CCAR1: variants seen among roughly 807,000 people sequenced by gnomAD.
CCAR1 encodes cell division cycle and apoptosis regulator 1.
A neutral mutation model predicts 163.8 loss-of-function variants in CCAR1; 78 were observed. The observed-to-expected ratio is 0.48, with a 90% confidence interval of 0.40 to 0.57. The LOEUF (loss-of-function observed/expected upper bound fraction) is 0.57, where lower values mean the gene tolerates loss of function less well. Among genes scored for constraint, CCAR1 ranks in the 20% least tolerant of loss-of-function variants. CCAR1 has a pLI of 0.00. For synonymous variants in CCAR1, 443 were observed against 460.7 expected (o/e 0.96, Z 0.49); for missense variants, 1,019 against 1,365.2 (o/e 0.75, Z 4.00).
At chr10:68,780,780 TA>T (rs1302533784) in intron 19 of CCAR1, among the ~76,000 whole-genome samples, 2 of 152,246 alleles carry the variant, frequency 1.3e-5, no homozygotes, top group African/African-American at 4.8e-5. Flanking sequence ...TTGATAATAC[TA>T]TTATACATGT....
At chr10:68,738,946 A>G (rs1298927231) in intron 4 of CCAR1, among the ~76,000 whole-genome samples, 2 of 152,140 alleles carry the variant, frequency 1.3e-5, no homozygotes, top group Non-Finnish European at 2.9e-5. Context: ...AATAAATAAA[A>G]TGTGGGAGAA....
At chr10:68,738,088 A>G (rs1379272125) in intron 4 of CCAR1, among the ~76,000 whole-genome samples, 199 bp downstream of exon 4, 1 of 152,158 alleles carries the variant, frequency 6.6e-6, no homozygotes, top group East Asian at 1.9e-4. Context: ...AACAACCCAG[A>G]TCCTTAGCCA....
At chr10:68,734,896 T>C (rs1166522665) in intron 2 of CCAR1, among the ~76,000 whole-genome samples, 2 of 152,178 alleles carry the variant, frequency 1.3e-5, no homozygotes, top group African/African-American at 4.8e-5. Flanking sequence ...TTCTCCTCAG[T>C]GTGTAGCTAT....
chr10:68,734,369 C>T (rs1021577716), intron 2 of CCAR1, among the ~76,000 whole-genome samples: 1 of 151,968 alleles, frequency 6.6e-6, no homozygotes, highest in Non-Finnish European at 1.5e-5. Flanking sequence ...CCCCTAGATA[C>T]CATTGAGAAA....
chr10:68,742,809 A>T (rs2056199259), intron 6 of CCAR1, among the ~76,000 whole-genome samples: 1 of 151,650 alleles, frequency 6.6e-6, no homozygotes, highest in Non-Finnish European at 1.5e-5. Context: ...AGAGAATGGG[A>T]TTTCACCATG....
At chr10:68,745,035 C>G (rs987538759) in intron 6 of CCAR1, among the ~76,000 whole-genome samples, 8 of 152,180 alleles carry the variant, frequency 5.3e-5, no homozygotes, top group African/African-American at 1.4e-4. Context: ...GACAGAGTTT[C>G]TCTCTTGTTG....
intron 16 of CCAR1, 101 bp from the exon 17 acceptor site, chr10:68,765,786 TC>T: frequency 2.6e-6 from 2 of 776,358 alleles, no homozygotes; most frequent in Admixed American, 2.9e-5. Context: ...GGAATTTTGT[TC>T]CTTTTATTTA....
chr10:68,739,536 GC>G (rs1331937017), intron 4 of CCAR1, among the ~76,000 whole-genome samples: 1 of 152,062 alleles, frequency 6.6e-6, no homozygotes, highest in Non-Finnish European at 1.5e-5. Context: ...CTCGACTTAA[GC>G]CCCTTGAGGC....
chr10:68,778,399 T>C (rs1490365901), intron 19 of CCAR1, among the ~76,000 whole-genome samples: 1 of 152,166 alleles, frequency 6.6e-6, no homozygotes, highest in Non-Finnish European at 1.5e-5. Flanking sequence ...GAGATCCACC[T>C]TCCTTAGTTT....
intron 13 of CCAR1, 72 bp downstream of exon 13, chr10:68,755,608 C>T: frequency 2.3e-6 from 3 of 1,317,710 alleles, no homozygotes; most frequent in Non-Finnish European, 3.1e-6. Context: ...ATCGATCAGC[C>T]TTTTCCCCCC....
Position 68,747,416 on chromosome 10 carries a change from G to A in CCAR1, c.676G>A (p.Val226Ile), listed in dbSNP as rs771299236. The change falls in exon 8 of 25, where the codon GTA becomes ATA. Residue 226 changes from valine (V) to isoleucine (I), a missense_variant. Transcript: ENST00000265872. ...GCCATTACTGAAGACTCCTCCTGCT[G>A]TACTTCAGCCAATTGCACCACAGAC... is the stretch of plus-strand genomic sequence containing the variant. The part of the protein sequence containing the change: ...TQPLLKTPPA[V>I]LQPIAPQTTF... 9.9e-6 allele frequency: 16 copies of A among 1,614,008 alleles called. No individual in the cohort carries two copies. The South Asian group carries it at 1.8e-4, about 18-fold the overall frequency.
intron 8 of CCAR1, among the ~76,000 whole-genome samples, chr10:68,748,853 C>CT (rs1201463927): frequency 6.6e-6 from 1 of 151,804 alleles, no homozygotes; most frequent in Admixed American, 6.6e-5. Flanking sequence ...ATTTTTGCAC[C>CT]TTTTTTTAGA....
At chr10:68,732,411 G>A (rs1205604556) in intron 2 of CCAR1, among the ~76,000 whole-genome samples, 3 of 151,900 alleles carry the variant, frequency 2.0e-5, no homozygotes, top group East Asian at 1.9e-4. Flanking sequence ...GTGCAGTGGC[G>A]CCATCTCAGC....
chr10:68,749,750 C>T (rs2133351992), intron 10 of CCAR1, 65 bp downstream of exon 10: 1 of 1,362,006 alleles, frequency 7.3e-7, no homozygotes, highest in Admixed American at 2.0e-5. Context: ...TAGAATATGT[C>T]ACAGAGGTAT....
intron 15 of CCAR1, 136 bp downstream of exon 15, chr10:68,757,513 C>A (rs1184056940): frequency 8.2e-6 from 4 of 487,004 alleles, no homozygotes; most frequent in African/African-American, 8.1e-5. Context: ...CTCCTGGGTT[C>A]AGTAGATTCT....
At chr10:68,747,024 A>G (rs1220457338) in intron 6 of CCAR1, 137 bp from the exon 7 acceptor site, 11 of 539,142 alleles carry the variant, frequency 2.0e-5, no homozygotes, top group African/African-American at 1.8e-4. Context: ...CCAGGCTTCC[A>G]TTTCTGATAT....
intron 8 of CCAR1, 137 bp downstream of exon 8, chr10:68,747,703 C>CCA: frequency 3.1e-6 from 2 of 648,566 alleles, no homozygotes; most frequent in Non-Finnish European, 5.2e-6. Context: ...ACATCTACTT[C>CCA]CATAGCTATG....
chr10:68,736,695 C>T (rs192572939), intron 2 of CCAR1, among the ~76,000 whole-genome samples, 181 bp from the exon 3 acceptor site: 115 of 152,182 alleles, frequency 7.6e-4, no homozygotes, highest in Non-Finnish European at 1.5e-3. Flanking sequence ...TGCATATATA[C>T]CACATTTTCT....
chr10:68,789,561 G>T (rs907163673), intron 23 of CCAR1, 149 bp from the exon 24 acceptor site: 2 of 584,072 alleles, frequency 3.4e-6, no homozygotes, highest in Admixed American at 6.7e-5. Context: ...GAATATTGCA[G>T]TGTGCTTTAT....
Sources: gnomAD v4.1 joint callset for allele counts (sites outside exome capture counted in the v4.1 genomes callset) on GRCh38, gnomAD v4.1.1 for gene constraint, MANE v1.5 for transcripts, NCBI Gene and HGNC (gene_info 2026-07-23, HGNC 2026-07-21) for gene names.